KPNA1: variants seen among roughly 807,000 people sequenced by gnomAD.
The protein encoded by KPNA1 is importin subunit alpha-5.
KPNA1 carries 10 observed loss-of-function variants against 70.5 expected under a neutral mutation model. That is an observed-to-expected ratio of 0.14 (90% CI 0.09 to 0.24). KPNA1 has a LOEUF of 0.24. Ranked by LOEUF, KPNA1 falls within the 10% of genes least tolerant of loss-of-function variation. KPNA1 has a pLI of 1.00. For missense variants in KPNA1, 397 were observed against 637.9 expected (o/e 0.62, Z 4.07); for synonymous variants, 192 against 221.9 (o/e 0.87, Z 1.20).
Position 122,437,180 on chromosome 3 carries a change from G to A in KPNA1, c.1112C>T (p.Ala371Val). 1 of 1,613,488 alleles carries A rather than the reference G, an allele frequency of 6.2e-7. No homozygotes were observed. ...TISNITAGNR[A>V]QIQTVIDANI... ...GTCCTATGAGGTTACCTGGATCTGT[G>A]CCCTATTTCCAGCTGTAATATTAGA... The change falls in exon 11 of 14, where the codon GCA (alanine) becomes GTA (valine). Residue 371 changes from alanine to valine, a missense_variant. Transcript: ENST00000344337.
intron 1 of KPNA1, among the ~76,000 whole-genome samples, chr3:122,506,497 A>G (rs534670072): frequency 6.6e-6 from 1 of 152,352 alleles, no homozygotes; most frequent in East Asian, 1.9e-4. Flanking sequence ...AAAATTTGAA[A>G]TATCCTACCC....
rs1230723024 is a variant in KPNA1, at chr3:122,479,364, A to G, written c.130-11935T>C. On this transcript the variant is annotated intron_variant, in intron 2 of 13. Coordinates refer to ENST00000344337, the MANE Select transcript of KPNA1 (RefSeq NM_002264.4). Reference sequence around the variant, plus strand: ...AAATCCAAAACCACTGCTAACACCAAATGCTGGCAAGGCTGTGGAACAGGA... The same window carrying G: ...AAATCCAAAACCACTGCTAACACCAGATGCTGGCAAGGCTGTGGAACAGGA... Among the ~76,000 whole-genome samples the G allele has an allele frequency of 3.3e-5, 5 of 152,226 alleles. No individual in the cohort carries two copies. The East Asian group carries it at 7.7e-4, about 23-fold the overall frequency.
At chr3:122,437,887 G>T (rs1288861643) in intron 10 of KPNA1, among the ~76,000 whole-genome samples, 1 of 152,164 alleles carries the variant, frequency 6.6e-6, no homozygotes, top group African/African-American at 2.4e-5. Context: ...ACTAAACAGA[G>T]AACAGAGATC....
At chr3:122,510,696 T>A (rs1450256576) in intron 1 of KPNA1, among the ~76,000 whole-genome samples, 1 of 152,158 alleles carries the variant, frequency 6.6e-6, no homozygotes, top group Admixed American at 6.5e-5. Context: ...ATAATTGCTA[T>A]ATCATGATAT....
rs527328242 is a variant in KPNA1, at chr3:122,444,194, G to A, written c.918-2078C>T. ...ATATGATTCTGTTCTGCCCAGCCCC[G>A]CAGGCAGTCAGACCTTATGGTTATC... On this transcript the variant is annotated intron_variant, in intron 9 of 13. Coordinates refer to ENST00000344337, the MANE Select transcript of KPNA1 (RefSeq NM_002264.4). Among the ~76,000 whole-genome samples the A allele has an allele frequency of 5.3e-5, 8 of 152,252 alleles. No homozygotes were observed. The Middle Eastern group carries it at 0.01, about 196-fold the overall frequency.
intron 12 of KPNA1, chr3:122,432,482 C>G (rs2075923987): frequency 6.6e-6 from 1 of 152,170 alleles, no homozygotes; most frequent in Admixed American, 6.5e-5. Flanking sequence ...TCAAAACTAG[C>G]ATCTGATGAA....
intron 3 of KPNA1, among the ~76,000 whole-genome samples, chr3:122,464,698 G>C (rs903841866): frequency 6.6e-6 from 1 of 152,032 alleles, no homozygotes; most frequent in African/African-American, 2.4e-5. Context: ...CTACCTTCTT[G>C]CTTTATTAGA....
At chr3:122,463,048 T>C (rs1030535573) in intron 4 of KPNA1, among the ~76,000 whole-genome samples, 6 of 151,942 alleles carry the variant, frequency 3.9e-5, no homozygotes, top group Non-Finnish European at 8.8e-5. Context: ...TGAAATCCTA[T>C]CTCTACTAAA....
chr3:122,509,436 G>A (rs1479250949), intron 1 of KPNA1, among the ~76,000 whole-genome samples: 2 of 152,052 alleles, frequency 1.3e-5, no homozygotes, highest in African/African-American at 4.8e-5. Flanking sequence ...ATATAACACA[G>A]GGTATTTGAA....
intron 2 of KPNA1, among the ~76,000 whole-genome samples, chr3:122,481,876 C>A (rs896050093): frequency 6.6e-6 from 1 of 152,136 alleles, no homozygotes; most frequent in Non-Finnish European, 1.5e-5. Flanking sequence ...CAACTAGGAA[C>A]AGAAGAGAAC....
intron 8 of KPNA1, 28 bp downstream of exon 8, chr3:122,451,506 G>T: frequency 2.3e-6 from 3 of 1,282,308 alleles, no homozygotes; most frequent in Non-Finnish European, 3.3e-6. Flanking sequence ...TATTTTTTCT[G>T]CCAATGTCCC....
At position 122,476,861 on chromosome 3, in the gene KPNA1, C is replaced by CAAAAA. The variant is rs144118691; in HGVS notation, c.130-9437_130-9433dup. 3.4e-4 allele frequency among the ~76,000 whole-genome samples: 22 copies of CAAAAA among 65,460 alleles called. 1 individual carries two copies. The highest frequency in any genetic ancestry group is 5.8e-4 in the African/African-American group (10 of 17,272). The allele number at this position is 65,460 out of a possible 152,430, so 42.9% of individuals were successfully genotyped here. A position where few individuals can be genotyped will look rare whatever the true frequency, so the allele number is the denominator to read the frequency against. ...TATGAAAAACAGTATGGAGGTTCCA[C>CAAAAA]AAAAAAAAAAAAAAAAAAAAAAACT... On this transcript the variant is annotated intron_variant, in intron 2 of 13. Coordinates refer to ENST00000344337, the MANE Select transcript of KPNA1 (RefSeq NM_002264.4).
At chr3:122,469,939 CAAAAAT>C (rs2076422585) in intron 2 of KPNA1, among the ~76,000 whole-genome samples, 1 of 151,920 alleles carries the variant, frequency 6.6e-6, no homozygotes, top group Non-Finnish European at 1.5e-5. Context: ...AAAGTGGAAA[CAAAAAT>C]AAAGATTTTT....
At chr3:122,469,523 G>A (rs948705899) in intron 2 of KPNA1, among the ~76,000 whole-genome samples, 3 of 152,148 alleles carry the variant, frequency 2.0e-5, no homozygotes, top group Admixed American at 6.5e-5. Flanking sequence ...TTGTAATTTC[G>A]AGTTGGTCTG....
intron 2 of KPNA1, among the ~76,000 whole-genome samples, chr3:122,473,682 G>A (rs909132178): frequency 1.1e-4 from 16 of 151,986 alleles, no homozygotes; most frequent in Admixed American, 4.6e-4. Context: ...ACCCATTCAC[G>A]ATTTTAAAAA....
At chr3:122,492,316 G>A (rs973493753) in intron 2 of KPNA1, among the ~76,000 whole-genome samples, 1 of 152,076 alleles carries the variant, frequency 6.6e-6, no homozygotes, top group Non-Finnish European at 1.5e-5. Flanking sequence ...GAAGATCTTG[G>A]TTCTACTTAT....
At chr3:122,447,760 A>G (rs1329166253) in intron 9 of KPNA1, among the ~76,000 whole-genome samples, 1 of 152,206 alleles carries the variant, frequency 6.6e-6, no homozygotes, top group Admixed American at 6.5e-5. Context: ...ACATGATTCT[A>G]TATTTAGAAA....
chr3:122,479,362 C>T (rs948079471), intron 2 of KPNA1, among the ~76,000 whole-genome samples: 1 of 152,176 alleles, frequency 6.6e-6, no homozygotes, highest in Non-Finnish European at 1.5e-5. Flanking sequence ...CTGCTAACAC[C>T]AAATGCTGGC....
At chr3:122,443,094 C>G (rs909579343) in intron 9 of KPNA1, 1 of 152,300 alleles carries the variant, frequency 6.6e-6, no homozygotes, top group South Asian at 2.1e-4. Context: ...CAGTACACCC[C>G]GCCCAAACAC....
Sources: gnomAD v4.1 joint callset for allele counts (sites outside exome capture counted in the v4.1 genomes callset) on GRCh38, gnomAD v4.1.1 for gene constraint, MANE v1.5 for transcripts, NCBI Gene and HGNC (gene_info 2026-07-23, HGNC 2026-07-21) for gene names.